TNIP1: variants seen among roughly 807,000 people sequenced by gnomAD.
TNIP1 encodes TNFAIP3-interacting protein 1.
A neutral mutation model predicts 86.6 loss-of-function variants in TNIP1; 22 were observed. The observed-to-expected ratio is 0.25, with a 90% CI of 0.18 to 0.36. TNIP1 has a LOEUF of 0.36. TNIP1 is among the 10% of genes least tolerant of loss of function. The probability of loss-of-function intolerance (pLI) is 1.00; values close to 1 mark genes in which losing one functional copy is unlikely to be tolerated. For synonymous variants in TNIP1, 294 were observed against 313.0 expected, an observed-to-expected ratio of 0.94 and a Z score of 0.64; for missense variants, 709 against 820.6, an observed-to-expected ratio of 0.86 and a Z score of 1.66.
chr5:151,048,540 C>CA, intron 8 of TNIP1, among the ~76,000 whole-genome samples: 1 of 152,198 alleles, frequency 6.6e-6, no homozygotes, highest in East Asian at 1.9e-4. Context: ...ACACATGCCT[C>CA]TAATGAGACA....
At chr5:151,068,887 G>T (rs1762530682) in intron 1 of TNIP1, among the ~76,000 whole-genome samples, 1 of 152,232 alleles carries the variant, frequency 6.6e-6, no homozygotes, top group Non-Finnish European at 1.5e-5. Flanking sequence ...TGGGACTCCA[G>T]CCCCGCTTGC....
At chr5:151,075,965 G>A (rs914099842) in intron 1 of TNIP1, among the ~76,000 whole-genome samples, 4 of 152,150 alleles carry the variant, frequency 2.6e-5, no homozygotes, top group Admixed American at 6.5e-5. Context: ...TGGGCTGCCC[G>A]GTTTGTCCAC....
At chr5:151,042,874 G>T (rs575589988) in intron 10 of TNIP1, 22 bp downstream of exon 10, 4 of 1,612,922 alleles carry the variant, frequency 2.5e-6, no homozygotes, top group Admixed American at 1.7e-5. Context: ...CCCTGTGGGC[G>T]TGGCCAGGAA....
intron 1 of TNIP1, among the ~76,000 whole-genome samples, chr5:151,079,430 C>T (rs769204550): frequency 6.6e-6 from 1 of 152,136 alleles, no homozygotes; most frequent in Non-Finnish European, 1.5e-5. Context: ...TTGAGACCAG[C>T]CTGGCCAACA....
At chr5:151,052,951 A>G (rs1760143474) in intron 6 of TNIP1, among the ~76,000 whole-genome samples, 1 of 152,086 alleles carries the variant, frequency 6.6e-6, no homozygotes, top group African/African-American at 2.4e-5. Context: ...TGAAAGGCAC[A>G]CCAATTTGCA....
At chr5:151,033,418 C>A (rs577286925) in intron 16 of TNIP1, 190 bp downstream of exon 16, 4 of 433,048 alleles carry the variant, frequency 9.2e-6, no homozygotes, top group Admixed American at 4.1e-5. Flanking sequence ...GGCAGCCCTG[C>A]GGGACTGTGG....
At chr5:151,080,706 T>C (rs1175269841) in intron 1 of TNIP1, among the ~76,000 whole-genome samples, 174 bp downstream of exon 1, 1 of 151,986 alleles carries the variant, frequency 6.6e-6, no homozygotes, top group African/African-American at 2.4e-5. Context: ...AAGCAGGGAG[T>C]AGCGGCTCAG....
intron 4 of TNIP1, among the ~76,000 whole-genome samples, chr5:151,061,247 G>C (rs1216690286): frequency 4.6e-5 from 7 of 152,140 alleles, no homozygotes; most frequent in Non-Finnish European, 1.0e-4. Flanking sequence ...GGGCAGGATA[G>C]ATGAGAGGAG....
At chr5:151,036,690 C>G in intron 13 of TNIP1, 100 bp downstream of exon 13, 4 of 1,573,236 alleles carry the variant, frequency 2.5e-6, no homozygotes, top group Non-Finnish European at 3.5e-6. Context: ...AAGTGGATTA[C>G]TAATTACAGG....
Position 151,056,927 on chromosome 5 carries a change from T to G in TNIP1, c.466A>C (p.Asn156His), listed in dbSNP as rs1424712241. The change falls in exon 6 of 18, where the codon AAC becomes CAC. Residue 156 changes from asparagine (N) to histidine (H), a missense_variant. By Grantham distance (68) the Asn-to-His change is moderately conservative. Coordinates refer to ENST00000521591, the MANE Select transcript of TNIP1 (RefSeq NM_006058.5). ...AGGCGCTGCAGGTGCAGCATCAGGT[T>G]GCCGTCCTCACGGGGCAGGGGGCCC... is the stretch of plus-strand genomic sequence containing the variant. ...ALGPLPREDG[N>H]LMLHLQRLET... 1.9e-6 allele frequency: 3 copies of G among 1,573,746 alleles called. No individual in the cohort carries two copies. The Admixed American group carries it at 5.4e-5, about 28-fold the overall frequency.
Position 151,033,641 on chromosome 5 carries a change from C to A in TNIP1, c.1746G>T (p.Pro582=). 6 of 718,816 alleles carry A rather than the reference C, an allele frequency of 8.3e-6. No homozygotes were observed. Among genetic ancestry groups the A allele is most frequent in the Non-Finnish European group, 1.1e-5 (6 of 546,828 alleles). 44.5% of individuals were successfully genotyped at this position (718,816 alleles called of 1,614,324 possible). A position where few individuals can be genotyped will look rare whatever the true frequency, so the allele number is the denominator to read the frequency against. The change falls in exon 16 of 18, where the codon CCG becomes CCT. Residue 582 remains proline (P), a synonymous_variant. Coordinates refer to ENST00000521591, the MANE Select transcript of TNIP1 (RefSeq NM_006058.5). ...AGAGGCGCGAGTTGGGGAGTGGGGG[C>A]GGGTGCTCCATGGCCATGGGGGGAG... The part of the protein sequence containing the change: ...YPPPPMAMEH[P]PPLPNSRLFH...
chr5:151,056,734 C>T lies in TNIP1; in HGVS notation c.627+32G>A, dbSNP rs536946501. Reference sequence around the variant, plus strand: ...AGAGCTCGGGGGGAAGCACGCCTGCCTGTCTCGGGCTGCCCTCCCCACGCG... The same window carrying T: ...AGAGCTCGGGGGGAAGCACGCCTGCTTGTCTCGGGCTGCCCTCCCCACGCG... On this transcript the variant is annotated intron_variant, in intron 6 of 17. Coordinates refer to ENST00000521591, the MANE Select transcript of TNIP1 (RefSeq NM_006058.5). 2.8e-6 allele frequency: 4 copies of T among 1,443,172 alleles called. No homozygotes were observed. In the South Asian group the frequency reaches 5.9e-5, roughly 21 times the overall value. The allele number at this position is 1,443,172 out of a possible 1,614,324, so 89.4% of individuals were successfully genotyped here.
At chr5:151,083,914 T>C (rs949724083), upstream of TNIP1, among the ~76,000 whole-genome samples, 2 of 152,230 alleles carry the variant, frequency 1.3e-5, no homozygotes, top group Non-Finnish European at 2.9e-5. Flanking sequence ...CTTTTATTCA[T>C]AATTTGCCTC....
At chr5:151,034,482 AGAAGGCTCATACATGGGCACG>A (rs1461669635) in intron 15 of TNIP1, 119 of 269,080 alleles carry the variant, frequency 4.4e-4, no homozygotes, top group Non-Finnish European at 7.4e-4. Flanking sequence ...ACATGGGCAC[AGAAGGCTCATACATGGGCACG>A]GAAGGCTGGG....
intron 6 of TNIP1, among the ~76,000 whole-genome samples, chr5:151,056,523 G>T (rs562785039): frequency 2.1e-3 from 314 of 152,280 alleles, no homozygotes; most frequent in African/African-American, 7.2e-3. Context: ...GCTGCTGGGG[G>T]TATCCCCAAC....
intron 1 of TNIP1, among the ~76,000 whole-genome samples, chr5:151,068,605 G>C (rs994817039): frequency 6.6e-5 from 10 of 152,172 alleles, no homozygotes; most frequent in African/African-American, 1.9e-4. Context: ...AGGAGTCCTC[G>C]GGCATGAGCT....
chr5:151,033,788 C>T lies in TNIP1; in HGVS notation c.1599G>A (p.Glu533=), dbSNP rs200826999. The T allele has an allele frequency of 4.4e-6, 6 of 1,370,500 alleles. No homozygotes were observed. The highest frequency in any genetic ancestry group is 4.7e-6 in the Non-Finnish European group (5 of 1,055,786). 84.9% of individuals were successfully genotyped at this position (1,370,500 alleles called of 1,614,324 possible). ...QQKRKAKASG[E]RYHVEPHPEH... ...CTGGGTGGGGCTCCACATGGTAACGCTCTCCTGAGGCCTGCAAGAAAGGCT... is the reference window on the plus strand; with the variant it reads ...CTGGGTGGGGCTCCACATGGTAACGTTCTCCTGAGGCCTGCAAGAAAGGCT... Residue 533 remains glutamate (E), a synonymous_variant, in exon 16 of 18, where the codon GAG becomes GAA. Transcript: ENST00000521591.
intron 5 of TNIP1, among the ~76,000 whole-genome samples, chr5:151,057,735 A>G (rs1760858726): frequency 6.6e-6 from 1 of 152,120 alleles, no homozygotes; most frequent in Non-Finnish European, 1.5e-5. Flanking sequence ...CAAACAAAAA[A>G]CTGTATTGAA....
intron 1 of TNIP1, among the ~76,000 whole-genome samples, chr5:151,066,025 C>G (rs944360948): frequency 1.3e-5 from 2 of 152,196 alleles, no homozygotes; most frequent in African/African-American, 2.4e-5. Context: ...TCAACAATTA[C>G]TTATTGAGCA....
Sources: allele counts gnomAD v4.1 joint callset (sites outside exome capture counted in the v4.1 genomes callset), GRCh38; gene constraint gnomAD v4.1.1; transcripts MANE v1.5; gene names NCBI Gene and HGNC (gene_info 2026-07-23, HGNC 2026-07-21).